Variants in SHOC1 observed in about 807,000 individuals in gnomAD.
SHOC1 encodes the protein protein shortage in chiasmata 1 ortholog.
SHOC1 carries 136 observed loss-of-function variants against 179.2 expected under a neutral mutation model. The ratio of observed to expected loss-of-function variants is 0.76; its 90% CI spans 0.66 to 0.87. SHOC1 has a LOEUF of 0.87. SHOC1 is among the 40% of genes least tolerant of loss of function. The probability of loss-of-function intolerance (pLI) is 0.00; values close to 1 mark genes in which losing one functional copy is unlikely to be tolerated. For missense variants in SHOC1, 1,538 were observed against 1,700.8 expected (o/e 0.90, Z 1.68); for synonymous variants, 489 against 586.6 (o/e 0.83, Z 2.41).
chr9:111,776,655 C>T (rs1835845255), intron 4 of SHOC1, among the ~76,000 whole-genome samples: 1 of 152,196 alleles, frequency 6.6e-6, no homozygotes, highest in South Asian at 2.1e-4. Context: ...GTGAGGGAGA[C>T]AGGTTGGAAT....
At chr9:111,787,583 A>G (rs1191711123) in intron 2 of SHOC1, among the ~76,000 whole-genome samples, 1 of 152,244 alleles carries the variant, frequency 6.6e-6, no homozygotes, top group African/African-American at 2.4e-5. Context: ...ACAGATGAGG[A>G]GCTGCTTCTT....
intron 8 of SHOC1, among the ~76,000 whole-genome samples, chr9:111,749,126 A>G (rs1480870288): frequency 2.0e-5 from 3 of 151,720 alleles, no homozygotes; most frequent in Admixed American, 6.6e-5. Flanking sequence ...TGAAAACAAC[A>G]TACTCAGTGG....
At chr9:111,695,857 T>G (rs1242652773) in intron 24 of SHOC1, among the ~76,000 whole-genome samples, 1 of 152,150 alleles carries the variant, frequency 6.6e-6, no homozygotes, top group African/African-American at 2.4e-5. Flanking sequence ...AAAGATATCT[T>G]TTGTTTCCAA....
chr9:111,770,334 T>C (rs1835552103), intron 5 of SHOC1, among the ~76,000 whole-genome samples: 2 of 152,288 alleles, frequency 1.3e-5, no homozygotes, highest in African/African-American at 4.8e-5. Flanking sequence ...TTTTCCAAAG[T>C]TCCTCTTGTT....
intron 16 of SHOC1, 107 bp downstream of exon 16, chr9:111,718,077 G>C (rs1832874890): frequency 1.5e-6 from 1 of 686,202 alleles, no homozygotes; most frequent in Non-Finnish European, 2.4e-6. Context: ...TAATAGAAAA[G>C]AAGGCTACAT....
chr9:111,791,619 A>C (rs747901156), intron 1 of SHOC1, among the ~76,000 whole-genome samples, 165 bp from the exon 2 acceptor site: 4 of 152,192 alleles, frequency 2.6e-5, no homozygotes, highest in Non-Finnish European at 4.4e-5. Flanking sequence ...TATGAAAATA[A>C]TGTATATTGA....
At position 111,760,662 on chromosome 9, in the gene SHOC1, G is replaced by GA. The variant is rs1181646487; in HGVS notation, c.443-1815dup. ...AAAAACTTGGTCATAAAAATTAATGGAAAAAACATAAAAATACCAATTTGT... is the reference window on the plus strand; with the variant it reads ...AAAAACTTGGTCATAAAAATTAATGGAAAAAAACATAAAAATACCAATTTGT... On this transcript the variant is annotated intron_variant, in intron 5 of 27. Transcript: ENST00000682961. Among the ~76,000 whole-genome samples the GA allele has an allele frequency of 6.7e-5, 10 of 149,472 alleles. No homozygotes were observed. The South Asian group carries it at 1.3e-3, about 19-fold the overall frequency.
chr9:111,737,205 C>T (rs572574682), intron 12 of SHOC1, among the ~76,000 whole-genome samples: 1 of 152,306 alleles, frequency 6.6e-6, no homozygotes, highest in South Asian at 2.1e-4. Context: ...AATCCCATTA[C>T]TGGGTATATG....
chr9:111,739,980 C>A lies in SHOC1; in HGVS notation c.1175-1458G>T, dbSNP rs538683005. Among the ~76,000 whole-genome samples, 5 of 152,172 alleles carry A rather than the reference C, an allele frequency of 3.3e-5. No individual in the cohort carries two copies. In the South Asian group the frequency reaches 1.0e-3, roughly 31 times the overall value. Reference sequence around the variant, plus strand: ...GGGAGGCACTGTCAACCTGGGACCACTTTAAATTAAATCACCACTATTTTT... The same window carrying A: ...GGGAGGCACTGTCAACCTGGGACCAATTTAAATTAAATCACCACTATTTTT... On this transcript the variant is annotated intron_variant, in intron 11 of 27. Transcript: ENST00000682961.
At chr9:111,750,475 C>T (rs1010843948) in intron 8 of SHOC1, among the ~76,000 whole-genome samples, 3 of 152,206 alleles carry the variant, frequency 2.0e-5, no homozygotes, top group Admixed American at 6.5e-5. Context: ...ACTGGGACTA[C>T]AGGCACTTAC....
chr9:111,759,778 T>A (rs1465254292), intron 5 of SHOC1, among the ~76,000 whole-genome samples: 2 of 152,156 alleles, frequency 1.3e-5, no homozygotes, highest in Non-Finnish European at 2.9e-5. Context: ...AGTTTTCAGG[T>A]AGTAATGTCT....
intron 27 of SHOC1, among the ~76,000 whole-genome samples, chr9:111,689,413 A>G (rs1045169941): frequency 6.6e-6 from 1 of 151,150 alleles, no homozygotes; most frequent in African/African-American, 2.4e-5. Context: ...AATAAAAATA[A>G]AGCAATGTAG....
At chr9:111,758,393 C>T (rs1011724030) in intron 6 of SHOC1, among the ~76,000 whole-genome samples, 198 bp from the exon 7 acceptor site, 1 of 152,164 alleles carries the variant, frequency 6.6e-6, no homozygotes, top group African/African-American at 2.4e-5. Flanking sequence ...GTCAGGAGTT[C>T]AAGACCAGCC....
At chr9:111,744,067 A>G (rs1445864796) in intron 10 of SHOC1, among the ~76,000 whole-genome samples, 2 of 152,214 alleles carry the variant, frequency 1.3e-5, no homozygotes, top group Non-Finnish European at 2.9e-5. Context: ...ATAACAATAG[A>G]CATATAACTT....
At chr9:111,794,368 G>A (rs940199624) in intron 1 of SHOC1, among the ~76,000 whole-genome samples, 4 of 151,856 alleles carry the variant, frequency 2.6e-5, no homozygotes, top group Admixed American at 2.0e-4. Context: ...TGGATCACTT[G>A]AGGTCAGGAG....
At position 111,686,821 on chromosome 9, in the gene SHOC1, A is replaced by T. The variant is rs1203477574; in HGVS notation, c.4476T>A (p.Tyr1492Ter). Reference protein sequence around the residue: ...LPQFKKRRLAYEKVPGRVDGQ... With the variant: ...LPQFKKRRLA The stretch of plus-strand genomic sequence containing the variant: ...CATCAACTCTACCAGGGACTTTTTC[A>T]TATGCTAGACGTCGTTTTTTGAATT... Residue 1492 changes from tyrosine (Y) to a stop codon, truncating the protein, a stop_gained, in exon 28 of 28, where the codon TAT becomes TAA. Coordinates refer to ENST00000682961, the MANE Select transcript of SHOC1 (RefSeq NM_001378211.1). LOFTEE classifies it high-confidence loss of function. 1.2e-6 allele frequency: 2 copies of T among 1,613,810 alleles called. No homozygotes were observed. Among genetic ancestry groups the T allele is most frequent in the Non-Finnish European group, 1.7e-6 (2 of 1,179,784 alleles).
In SHOC1 at chr9:111,714,543, C is replaced by A; in HGVS notation, c.2317G>T (p.Val773Leu). The A allele has an allele frequency of 6.2e-7, 1 of 1,613,910 alleles. No homozygotes were observed. Among genetic ancestry groups the A allele is most frequent in the Non-Finnish European group, 8.5e-7 (1 of 1,179,928 alleles). Residue 773 changes from valine to leucine, a missense_variant, in exon 17 of 28, where the codon GTA (valine) becomes TTA (leucine). Coordinates refer to ENST00000682961, the MANE Select transcript of SHOC1 (RefSeq NM_001378211.1). ...GGCTTTTTCCCCCTAATAAACTGTA[C>A]AATCTCCAGCTGTCTCCAAATGTCA... is the stretch of plus-strand genomic sequence containing the variant. ...LGDIWRQLEI[V>L]QFIRGKKPET... is the part of the protein sequence containing the mutation.
At chr9:111,755,284 G>C (rs1015023134) in intron 8 of SHOC1, among the ~76,000 whole-genome samples, 1 of 152,156 alleles carries the variant, frequency 6.6e-6, no homozygotes, top group Non-Finnish European at 1.5e-5. Flanking sequence ...GCAAGTTCTG[G>C]TATGGATTTG....
chr9:111,692,557 A>T (rs765889023), intron 26 of SHOC1, 46 bp from the exon 27 acceptor site: 24 of 1,386,522 alleles, frequency 1.7e-5, no homozygotes, highest in African/African-American at 2.9e-5. Flanking sequence ...TAGTAAATAT[A>T]AATAATGATG....
Sources: allele counts gnomAD v4.1 joint callset (sites outside exome capture counted in the v4.1 genomes callset), GRCh38; gene constraint gnomAD v4.1.1; transcripts MANE v1.5; gene names NCBI Gene and HGNC (gene_info 2026-07-23, HGNC 2026-07-21).